BNC2: variants seen among roughly 807,000 people sequenced by gnomAD.
BNC2 encodes basonuclin zinc finger protein 2.
Under a neutral mutation model 76.3 loss-of-function variants are expected in BNC2, and 20 were observed. The ratio of observed to expected loss-of-function variants is 0.26; its 90% CI spans 0.18 to 0.38. The LOEUF is 0.38. BNC2 is among the 10% of genes least tolerant of loss of function. The probability of loss-of-function intolerance (pLI) is 1.00; values close to 1 mark genes in which losing one functional copy is unlikely to be tolerated. For missense variants in BNC2, 1,382 were observed against 1,399.8 expected, an observed-to-expected ratio of 0.99 and a Z score of 0.20; for synonymous variants, 582 against 514.8, an observed-to-expected ratio of 1.13 and a Z score of -1.77.
At chr9:16,816,828 C>T (rs1818195029) in intron 1 of BNC2, among the ~76,000 whole-genome samples, 1 of 152,094 alleles carries the variant, frequency 6.6e-6, no homozygotes, top group Non-Finnish European at 1.5e-5. Context: ...TTTTCTTATC[C>T]TATAATTCAA....
At chr9:16,782,082 C>T (rs956311167) in intron 1 of BNC2, among the ~76,000 whole-genome samples, 2 of 151,886 alleles carry the variant, frequency 1.3e-5, no homozygotes, top group Non-Finnish European at 2.9e-5. Flanking sequence ...CTCAGGATAT[C>T]GAGACCAGCC....
intron 3 of BNC2, among the ~76,000 whole-genome samples, chr9:16,599,736 T>C (rs745743085): frequency 6.6e-5 from 10 of 152,234 alleles, no homozygotes; most frequent in East Asian, 3.9e-4. Context: ...TGAACCGAGA[T>C]CACGCCACTG....
rs564380754 is a variant in BNC2 at position 16,771,226 on chromosome 9, T to C, written c.4-32741A>G. Reference sequence around the variant, plus strand: ...TATGGAGTGGAATGTGCTATATCTGTCCTCAGGACAAGAGGTGGCACTGAG... The same window carrying C: ...TATGGAGTGGAATGTGCTATATCTGCCCTCAGGACAAGAGGTGGCACTGAG... On this transcript the variant is annotated intron_variant, in intron 1 of 6. Coordinates refer to ENST00000380672, the MANE Select transcript of BNC2 (RefSeq NM_017637.6). 4.7e-4 allele frequency among the ~76,000 whole-genome samples: 71 copies of C among 152,304 alleles called. 1 individual carries two copies. Among genetic ancestry groups the C allele is most frequent in the Middle Eastern group, 6.8e-3 (2 of 294 alleles).
At chr9:16,770,780 C>T (rs1825812211) in intron 1 of BNC2, among the ~76,000 whole-genome samples, 1 of 151,980 alleles carries the variant, frequency 6.6e-6, no homozygotes, top group Admixed American at 6.6e-5. Flanking sequence ...GGGAGAATCG[C>T]TTGAACCCCA....
intron 3 of BNC2, among the ~76,000 whole-genome samples, chr9:16,715,114 C>T (rs924761804): frequency 3.9e-5 from 6 of 152,088 alleles, no homozygotes; most frequent in African/African-American, 7.2e-5. Flanking sequence ...TAAGGTGAGA[C>T]GAAAAGCTTT....
At chr9:16,753,069 A>G (rs1825268165) in intron 1 of BNC2, among the ~76,000 whole-genome samples, 1 of 152,240 alleles carries the variant, frequency 6.6e-6, no homozygotes, top group South Asian at 2.1e-4. Context: ...AAAGTAGATG[A>G]CCTGAAACTG....
At chr9:16,826,614 C>T (rs1818459046) in intron 1 of BNC2, among the ~76,000 whole-genome samples, 1 of 152,096 alleles carries the variant, frequency 6.6e-6, no homozygotes, top group Non-Finnish European at 1.5e-5. Flanking sequence ...TTACTTTTTA[C>T]TTTTGGCAGA....
intron 1 of BNC2, among the ~76,000 whole-genome samples, chr9:16,791,744 C>T (rs1817516082): frequency 6.6e-6 from 1 of 152,270 alleles, no homozygotes; most frequent in African/African-American, 2.4e-5. Flanking sequence ...ATAAGTAATA[C>T]TACTACCTCT....
chr9:16,499,813 G>A (rs1239523461), intron 5 of BNC2, among the ~76,000 whole-genome samples: 1 of 152,034 alleles, frequency 6.6e-6, no homozygotes, highest in Non-Finnish European at 1.5e-5. Flanking sequence ...TTACAGGCAT[G>A]AGCTACTGCA....
chr9:16,665,382 A>AGAGAG (rs1563887721), intron 3 of BNC2, among the ~76,000 whole-genome samples: 3 of 27,518 alleles, frequency 1.1e-4, no homozygotes, highest in African/African-American at 3.2e-4. Flanking sequence ...AAAAAAAAAA[A>AGAGAG]AAAAAGAGAG....
rs1360808652 is a variant in BNC2 at position 16,417,981 on chromosome 9, A to G, written c.*1008T>C. 6.6e-6 allele frequency: 1 copy of G among 152,628 alleles called. No homozygotes were observed. The highest frequency in any genetic ancestry group is 1.9e-4 in the East Asian group (1 of 5,196). 9.5% of individuals were successfully genotyped at this position (152,628 alleles called of 1,614,324 possible). On this transcript the variant is annotated 3_prime_UTR_variant, in exon 7 of 7. Coordinates refer to ENST00000380672, the MANE Select transcript of BNC2 (RefSeq NM_017637.6). ...TGACTAATTGTATTTTCTTTTCTGG[A>G]AACTTGTGCAAAGTTGGCAGTTTTG...
chr9:16,751,605 A>AAT (rs200968001), intron 1 of BNC2, among the ~76,000 whole-genome samples: 58 of 23,150 alleles, frequency 2.5e-3, no homozygotes, highest in East Asian at 0.016. Context: ...CCCCAGCACA[A>AAT]ATATATATAT....
chr9:16,803,918 T>C (rs1314452899), intron 1 of BNC2, among the ~76,000 whole-genome samples: 1 of 152,220 alleles, frequency 6.6e-6, no homozygotes, highest in African/African-American at 2.4e-5. Context: ...AAGGGAAGAC[T>C]ATGGCAAATT....
intron 5 of BNC2, among the ~76,000 whole-genome samples, chr9:16,488,982 C>G (rs1222153262): frequency 6.6e-6 from 1 of 152,110 alleles, no homozygotes; most frequent in African/African-American, 2.4e-5. Flanking sequence ...CAGTATAAAC[C>G]TATACACTAA....
chr9:16,492,730 T>G (rs889334215), intron 5 of BNC2, among the ~76,000 whole-genome samples: 12 of 151,972 alleles, frequency 7.9e-5, no homozygotes, highest in African/African-American at 2.9e-4. Flanking sequence ...CATTTTTTTT[T>G]TTTTTTCTGT....
intron 3 of BNC2, among the ~76,000 whole-genome samples, chr9:16,684,140 T>A (rs570808681): frequency 1.3e-5 from 2 of 152,284 alleles, no homozygotes; most frequent in Admixed American, 1.3e-4. Context: ...AATTTTCTTT[T>A]CACTGTAATT....
chr9:16,648,312 T>G (rs1389111459), intron 3 of BNC2, among the ~76,000 whole-genome samples: 1 of 152,220 alleles, frequency 6.6e-6, no homozygotes, highest in Admixed American at 6.5e-5. Context: ...GTTCAGAGAT[T>G]CTTTGGGTTT....
At chr9:16,434,955 C>G (rs1820975302) in intron 6 of BNC2, 2 of 470,546 alleles carry the variant, frequency 4.3e-6, no homozygotes, top group Non-Finnish European at 8.8e-6. Flanking sequence ...CCATTTCCTT[C>G]TGATATTTTC....
At chr9:16,515,552 G>T (rs544302595) in intron 5 of BNC2, among the ~76,000 whole-genome samples, 76 of 152,020 alleles carry the variant, frequency 5.0e-4, no homozygotes, top group African/African-American at 1.8e-3. Context: ...TCCCGTTAAA[G>T]ATCTGACGCT....
Sources: allele counts gnomAD v4.1 joint callset (sites outside exome capture counted in the v4.1 genomes callset), GRCh38; gene constraint gnomAD v4.1.1; transcripts MANE v1.5; gene names NCBI Gene and HGNC (gene_info 2026-07-23, HGNC 2026-07-21).